Variants in RESF1 observed in about 807,000 individuals in gnomAD.
The protein encoded by RESF1 is gonad expressed transcript.
A neutral mutation model predicts 134.7 loss-of-function variants in RESF1; 65 were observed. The observed-to-expected ratio is 0.48, with a 90% CI of 0.40 to 0.59. RESF1 has a LOEUF of 0.59. Among genes scored for constraint, RESF1 ranks in the 20% least tolerant of loss-of-function variants. The probability of loss-of-function intolerance (pLI) is 0.00; values close to 1 mark genes in which losing one functional copy is unlikely to be tolerated. For synonymous variants in RESF1, 762 were observed against 702.2 expected (o/e 1.09, Z -1.35); for missense variants, 2,274 against 2,002.7 (o/e 1.14, Z -2.59).
intron 2 of RESF1, chr12:31,962,551 A>G (rs1424269609): frequency 6.6e-6 from 1 of 152,222 alleles, no homozygotes. Context: ...TGAGGTAAAT[A>G]ATCTCAAGTG....
Position 31,985,744 on chromosome 12 carries a change from C to A in RESF1, c.4789C>A (p.Leu1597Ile). The A allele has an allele frequency of 6.3e-7, 1 of 1,583,136 alleles. No individual in the cohort carries two copies. Among genetic ancestry groups the A allele is most frequent in the Non-Finnish European group, 8.5e-7 (1 of 1,170,068 alleles). The change falls in exon 4 of 6, where the codon CTC becomes ATC. Residue 1597 changes from leucine (L) to isoleucine (I), a missense_variant. Coordinates refer to ENST00000312561, the MANE Select transcript of RESF1 (RefSeq NM_018169.4). ...FKCTERESISLTKLESSPRKL... is the reference protein window; with the variant it reads ...FKCTERESISITKLESSPRKL... ...ATGCACTGAACGTGAAAGCATTTCT[C>A]TCACCAAATTAGAAAGTTCACCCAG...
intron 3 of RESF1, among the ~76,000 whole-genome samples, chr12:31,974,269 C>T (rs547588825): frequency 5.9e-5 from 9 of 151,856 alleles, no homozygotes; most frequent in South Asian, 4.2e-4. Flanking sequence ...TCAAAGACCA[C>T]GTATTAGTGC....
In RESF1 at chr12:31,983,737, C is replaced by T. The variant is rs769697714; in HGVS notation, c.2782C>T (p.Leu928=). Residue 928 remains leucine (L), a synonymous_variant, in exon 4 of 6, where the codon CTA becomes TTA. Transcript: ENST00000312561. ...AATGGTTGAGCCACAGAAACCTTCT[C>T]TACCCAATCAGCAAGGGATTGGCAG... ...LKMVEPQKPS[L]PNQQGIGSRE... The T allele has an allele frequency of 3.7e-6, 6 of 1,613,866 alleles. No individual in the cohort carries two copies. The Admixed American group carries it at 8.3e-5, about 22-fold the overall frequency.
At chr12:31,963,332 G>A (rs1424043187) in intron 2 of RESF1, among the ~76,000 whole-genome samples, 3 of 148,116 alleles carry the variant, frequency 2.0e-5, no homozygotes, top group African/African-American at 5.1e-5. Flanking sequence ...ACGACAGAGC[G>A]AGACTGTCTC....
At chr12:31,977,143 T>C (rs1208449331) in intron 3 of RESF1, among the ~76,000 whole-genome samples, 2 of 152,198 alleles carry the variant, frequency 1.3e-5, no homozygotes, top group African/African-American at 2.4e-5. Flanking sequence ...CATTGTGCCC[T>C]GTTATAGGAA....
At chr12:31,987,401 T>C in intron 5 of RESF1, 79 bp downstream of exon 5, 3 of 817,344 alleles carry the variant, frequency 3.7e-6, no homozygotes, top group Non-Finnish European at 6.0e-6. Flanking sequence ...TATGATATGA[T>C]TGTAAAGTAT....
chr12:31,972,605 CAAAA>C (rs71064904), intron 3 of RESF1, among the ~76,000 whole-genome samples: 3 of 109,192 alleles, frequency 2.7e-5, no homozygotes, highest in Non-Finnish European at 1.8e-5. Flanking sequence ...GACTCCGTCT[CAAAA>C]AAAAAAAAAA....
rs781587623 is a variant in RESF1, at chr12:31,985,002, G to A, written c.4047G>A (p.Lys1349=). 9 of 1,607,668 alleles carry A rather than the reference G, an allele frequency of 5.6e-6. No homozygotes were observed. Among genetic ancestry groups the A allele is most frequent in the Non-Finnish European group, 5.9e-6 (7 of 1,178,518 alleles). Residue 1349 remains lysine (K), a synonymous_variant, in exon 4 of 6, where the codon AAG becomes AAA. Transcript: ENST00000312561. The part of the protein sequence containing the change: ...AFLPNKDVYK[K]HSSLGQSLSP... ...TGCCAAATAAAGATGTGTATAAGAA[G>A]CATAGTTCTTTGGGACAGTCATTAT...
chr12:31,987,996 A>G (rs761347919), intron 5 of RESF1, among the ~76,000 whole-genome samples: 19 of 152,086 alleles, frequency 1.2e-4, no homozygotes, highest in Non-Finnish European at 2.8e-4. Context: ...CGGCCTCCCA[A>G]AGTGCTGGGA....
Position 31,992,921 on chromosome 12 carries a change from A to C in RESF1, c.*386A>C. 5.7e-6 allele frequency: 1 copy of C among 176,932 alleles called. No individual in the cohort carries two copies. The allele number at this position is 176,932 out of a possible 1,614,324, so 11.0% of individuals were successfully genotyped here. On this transcript the variant is annotated 3_prime_UTR_variant, in exon 6 of 6. Transcript: ENST00000312561. ...TTTGGTTTCTAAGCTATATTAGCAA[A>C]ATTTATTTTTCAAAAATGCCCACTG...
intron 2 of RESF1, among the ~76,000 whole-genome samples, chr12:31,964,920 T>G (rs563407493): frequency 1.3e-5 from 2 of 152,308 alleles, no homozygotes; most frequent in South Asian, 4.1e-4. Context: ...ATGCCTGTCC[T>G]GTGTCAGTAC....
Position 31,981,390 on chromosome 12 carries a change from C to G in RESF1, c.435C>G (p.Asn145Lys), listed in dbSNP as rs373407167. The part of the protein sequence containing the change: ...TVSHQTDFGA[N>K]VPNMPALQSQ... ...CTCATCAAACTGATTTTGGAGCTAA[C>G]GTACCCAATATGCCGGCACTACAGA... Residue 145 changes from asparagine to lysine, a missense_variant, in exon 4 of 6, where the codon AAC (asparagine) becomes AAG (lysine). Transcript: ENST00000312561. The G allele has an allele frequency of 1.2e-6, 2 of 1,614,068 alleles. No individual in the cohort carries two copies. Among genetic ancestry groups the G allele is most frequent in the African/African-American group, 1.3e-5 (1 of 75,032 alleles).
intron 2 of RESF1, among the ~76,000 whole-genome samples, chr12:31,965,114 A>G (rs568578266): frequency 1.3e-5 from 2 of 151,992 alleles, no homozygotes; most frequent in East Asian, 1.9e-4. Context: ...TTGCCACCAC[A>G]CCGCGGTAAT....
At position 31,987,286 on chromosome 12, in the gene RESF1, A is replaced by G; in HGVS notation, c.5050A>G (p.Thr1684Ala). 1 of 1,603,432 alleles carries G rather than the reference A, an allele frequency of 6.2e-7. No individual in the cohort carries two copies. Among genetic ancestry groups the G allele is most frequent in the Non-Finnish European group, 8.5e-7 (1 of 1,171,674 alleles). The change falls in exon 5 of 6, where the codon ACA (threonine) becomes GCA (alanine). Residue 1684 changes from threonine (T) to alanine (A), a missense_variant. Thr to Ala is a moderately conservative substitution (Grantham distance 58, BLOSUM62 0). Transcript: ENST00000312561. ...TKEDWLKFVA[T>A]KKRTQKDSQE... The stretch of plus-strand genomic sequence containing the variant: ...AGAAGACTGGTTAAAATTTGTTGCT[A>G]CAAAGAAAAGGACACAGAAAGACAG...
At chr12:31,966,350 A>C (rs977399484) in intron 2 of RESF1, among the ~76,000 whole-genome samples, 91 of 152,296 alleles carry the variant, frequency 6.0e-4, no homozygotes, top group Non-Finnish European at 9.4e-4. Flanking sequence ...GAATTCTCGT[A>C]GGGTAACTGG....
Position 31,982,793 on chromosome 12 carries a change from G to C in RESF1, c.1838G>C (p.Ser613Thr), listed in dbSNP as rs751382302. ...ACTATTCAGGATTCTAAACCAGACA[G>C]TTGTGAAATGAATCCAAATACCCAA... ...NQTIQDSKPDSCEMNPNTQMT... is the reference protein window; with the variant it reads ...NQTIQDSKPDTCEMNPNTQMT... The change falls in exon 4 of 6, where the codon AGT (serine) becomes ACT (threonine). Residue 613 changes from serine to threonine, a missense_variant. Transcript: ENST00000312561. 1 of 1,614,138 alleles carries C rather than the reference G, an allele frequency of 6.2e-7. No individual in the cohort carries two copies. The highest frequency in any genetic ancestry group is 8.5e-7 in the Non-Finnish European group (1 of 1,179,986).
chr12:31,991,577 A>C, intron 5 of RESF1, among the ~76,000 whole-genome samples: 1 of 152,206 alleles, frequency 6.6e-6, no homozygotes, highest in East Asian at 1.9e-4. Flanking sequence ...ATACACATTC[A>C]GTAGAAAGTG....
intron 3 of RESF1, among the ~76,000 whole-genome samples, chr12:31,974,462 G>A (rs148925022): frequency 6.6e-6 from 1 of 152,140 alleles, no homozygotes; most frequent in African/African-American, 2.4e-5. Flanking sequence ...TTTGATTTCT[G>A]TTCTCTTGAA....
At chr12:31,966,519 G>T (rs557004240) in intron 2 of RESF1, among the ~76,000 whole-genome samples, 2 of 152,342 alleles carry the variant, frequency 1.3e-5, no homozygotes, top group Admixed American at 6.5e-5. Context: ...TGTTGCATTG[G>T]TCTGAACTTC....
Sources: gnomAD v4.1 joint callset for allele counts (sites outside exome capture counted in the v4.1 genomes callset) on GRCh38, gnomAD v4.1.1 for gene constraint, MANE v1.5 for transcripts, NCBI Gene and HGNC (gene_info 2026-07-23, HGNC 2026-07-21) for gene names.